Variants in ADAM18 observed in about 807,000 individuals in gnomAD.
ADAM18 encodes disintegrin and metalloproteinase domain-containing protein 18.
Under a neutral mutation model 94.4 loss-of-function variants are expected in ADAM18, and 117 were observed. The observed-to-expected ratio is 1.24, with a 90% CI of 1.07 to 1.45. The LOEUF (loss-of-function observed/expected upper bound fraction) is 1.45. Ranked by LOEUF, ADAM18 falls within the 40% of genes most tolerant of loss-of-function variation. ADAM18 has a pLI of 0.00. For synonymous variants in ADAM18, 327 were observed against 291.6 expected, an observed-to-expected ratio of 1.12 and a Z score of -1.24; for missense variants, 936 against 880.0, an observed-to-expected ratio of 1.06 and a Z score of -0.81.
At chr8:39,708,494 TA>T (rs1160765688) in intron 18 of ADAM18, among the ~76,000 whole-genome samples, 2 of 152,224 alleles carry the variant, frequency 1.3e-5, no homozygotes, top group Non-Finnish European at 2.9e-5. Context: ...TGGCAAAATA[TA>T]AATGCATTTC....
At chr8:39,691,038 A>G (rs1821761270) in intron 16 of ADAM18, among the ~76,000 whole-genome samples, 1 of 152,200 alleles carries the variant, frequency 6.6e-6, no homozygotes, top group South Asian at 2.1e-4. Flanking sequence ...GAATGAAATC[A>G]TGTCCTTTGC....
chr8:39,669,055 ATG>A (rs953837746), intron 14 of ADAM18, among the ~76,000 whole-genome samples: 15 of 151,978 alleles, frequency 9.9e-5, no homozygotes, highest in Middle Eastern at 3.4e-3. Flanking sequence ...GCTACTTTTT[ATG>A]TGTGTGTGTT....
Position 39,677,477 on chromosome 8 carries a change from G to C in ADAM18, c.1572G>C (p.Leu524=), listed in dbSNP as rs1821330272. 1 of 1,610,900 alleles carries C rather than the reference G, an allele frequency of 6.2e-7. No homozygotes were observed. The highest frequency in any genetic ancestry group is 8.5e-7 in the Non-Finnish European group (1 of 1,179,348). ...PFACFKEVNS[L]HERSENCGFK... ...CCTGTTTTAAAGAAGTTAATTCTCTGCATGAAAGATCTGAAAACTGTGGTT... is the reference window on the plus strand; with the variant it reads ...CCTGTTTTAAAGAAGTTAATTCTCTCCATGAAAGATCTGAAAACTGTGGTT... Residue 524 remains leucine (L), a synonymous_variant, in exon 15 of 20, where the codon CTG becomes CTC. Coordinates refer to ENST00000265707, the MANE Select transcript of ADAM18 (RefSeq NM_014237.3).
intron 12 of ADAM18, among the ~76,000 whole-genome samples, chr8:39,655,207 T>C (rs894751977): frequency 1.3e-5 from 2 of 152,200 alleles, no homozygotes; most frequent in Non-Finnish European, 2.9e-5. Context: ...TTTTTGTAAA[T>C]GGTGAAAGAT....
chr8:39,650,329 A>G (rs1156829353), intron 12 of ADAM18, among the ~76,000 whole-genome samples: 1 of 152,218 alleles, frequency 6.6e-6, no homozygotes, highest in Non-Finnish European at 1.5e-5. Context: ...CTAAGAAATA[A>G]AAGGTATCAA....
rs771884090 is a variant in ADAM18, at chr8:39,637,565, T to C, written c.689T>C (p.Ile230Thr). ...TMFTQFKLTV[I>T]LSSLELWSNE... ...TTTACCCAGTTCAAATTGACTGTTA[T>C]ACTGTCTTCCTTGGAATTGTGGTCA... Residue 230 changes from isoleucine (I) to threonine (T), a missense_variant, in exon 9 of 20, where the codon ATA (isoleucine) becomes ACA (threonine). By Grantham distance (89) the Ile-to-Thr change is moderately conservative (BLOSUM62 -1). Transcript: ENST00000265707. 31 of 1,612,420 alleles carry C rather than the reference T, an allele frequency of 1.9e-5. No homozygotes were observed. The highest frequency in any genetic ancestry group is 2.5e-5 in the Non-Finnish European group (29 of 1,179,142).
At chr8:39,674,450 T>G (rs1821243118) in intron 14 of ADAM18, among the ~76,000 whole-genome samples, 1 of 151,966 alleles carries the variant, frequency 6.6e-6, no homozygotes, top group South Asian at 2.1e-4. Context: ...CAACCCCTGC[T>G]TTTTTTTGCT....
At chr8:39,598,341 G>GGTCTAGTTTTTCAAAACCTATGTAAGT (rs1818800909) in intron 2 of ADAM18, among the ~76,000 whole-genome samples, 1 of 151,666 alleles carries the variant, frequency 6.6e-6, no homozygotes, top group Admixed American at 6.6e-5. Context: ...AGCATGAAAG[G>GGTCTAGTTTTTCAAAACCTATGTAAGT]GTCTAGTTTT....
intron 15 of ADAM18, among the ~76,000 whole-genome samples, chr8:39,679,764 A>G (rs953234153): frequency 2.0e-5 from 3 of 152,184 alleles, no homozygotes; most frequent in East Asian, 1.9e-4. Flanking sequence ...TAAAATATGA[A>G]CGGTCTAAGA....
intron 19 of ADAM18, among the ~76,000 whole-genome samples, chr8:39,724,781 G>A (rs922722026): frequency 6.6e-6 from 1 of 151,776 alleles, no homozygotes; most frequent in Admixed American, 6.6e-5. Context: ...AAAATATTCT[G>A]TTTTTTCTTG....
chr8:39,623,691 G>C (rs1819683258), intron 6 of ADAM18, among the ~76,000 whole-genome samples: 1 of 151,996 alleles, frequency 6.6e-6, no homozygotes, highest in Non-Finnish European at 1.5e-5. Context: ...TCGCCTCCCG[G>C]GTTCACGCCA....
intron 18 of ADAM18, among the ~76,000 whole-genome samples, chr8:39,718,308 C>A (rs1024056261): frequency 1.3e-5 from 2 of 151,428 alleles, no homozygotes; most frequent in Admixed American, 6.6e-5. Flanking sequence ...GTGGAAACTA[C>A]CTAAATGTTC....
chr8:39,586,792 CT>C (rs1272453184), intron 2 of ADAM18, among the ~76,000 whole-genome samples: 13 of 136,320 alleles, frequency 9.5e-5, no homozygotes, highest in Middle Eastern at 7.5e-3. Context: ...ATCTATCTAT[CT>C]ATCTATCTAT....
intron 6 of ADAM18, among the ~76,000 whole-genome samples, chr8:39,620,314 A>C (rs1302354399): frequency 6.7e-6 from 1 of 150,160 alleles, no homozygotes. Context: ...GGTCTGAGCA[A>C]AGATTTTTTT....
chr8:39,646,539 T>G (rs1054647875), intron 11 of ADAM18, among the ~76,000 whole-genome samples: 3 of 152,118 alleles, frequency 2.0e-5, no homozygotes, highest in Non-Finnish European at 2.9e-5. Context: ...GTATGTGTAT[T>G]TGTGTTGGGT....
intron 17 of ADAM18, among the ~76,000 whole-genome samples, chr8:39,694,926 G>A (rs568185584): frequency 7.3e-5 from 11 of 151,382 alleles, no homozygotes; most frequent in Non-Finnish European, 1.0e-4. Flanking sequence ...GTTTCACTGT[G>A]CTAAGAATGC....
intron 14 of ADAM18, among the ~76,000 whole-genome samples, chr8:39,674,809 G>A (rs915823053): frequency 6.6e-6 from 1 of 152,158 alleles, no homozygotes; most frequent in Non-Finnish European, 1.5e-5. Flanking sequence ...CTCCTGTAAG[G>A]CAGGCCTGGT....
chr8:39,678,531 C>T (rs895167688), intron 15 of ADAM18, among the ~76,000 whole-genome samples: 61 of 152,082 alleles, frequency 4.0e-4, no homozygotes, highest in African/African-American at 1.4e-3. Flanking sequence ...GGAGGAGACC[C>T]GGCATAATCA....
intron 19 of ADAM18, among the ~76,000 whole-genome samples, chr8:39,724,125 A>G (rs1007136412): frequency 9.9e-5 from 15 of 151,770 alleles, no homozygotes; most frequent in Non-Finnish European, 2.1e-4. Flanking sequence ...TGAGTATCCT[A>G]TGCTGTACCA....
Sources: allele counts gnomAD v4.1 joint callset (sites outside exome capture counted in the v4.1 genomes callset), GRCh38; gene constraint gnomAD v4.1.1; transcripts MANE v1.5; gene names NCBI Gene and HGNC (gene_info 2026-07-23, HGNC 2026-07-21).